LARS2: variants seen among roughly 807,000 people sequenced by gnomAD.
The protein encoded by LARS2 is leucyl-tRNA synthetase 2, mitochondrial.
In LARS2, 81 loss-of-function variants were observed where a neutral mutation model predicts 116.6. That is an observed-to-expected ratio of 0.69 (90% CI 0.58 to 0.84). LARS2 has a LOEUF of 0.84. LARS2 is among the 40% of genes least tolerant of loss of function. The pLI, the probability that LARS2 is intolerant of heterozygous loss-of-function variation, is 0.00. For missense variants in LARS2, 968 were observed against 1,114.5 expected (o/e 0.87, Z 1.87); for synonymous variants, 396 against 407.2 (o/e 0.97, Z 0.33).
chr3:45,460,367 A>G (rs1219364751), intron 8 of LARS2, among the ~76,000 whole-genome samples: 1 of 152,220 alleles, frequency 6.6e-6, no homozygotes, highest in Non-Finnish European at 1.5e-5. Flanking sequence ...ATTACTGGGA[A>G]GGATGCTTGG....
At chr3:45,418,967 A>G (rs1277820990) in intron 5 of LARS2, among the ~76,000 whole-genome samples, 1 of 152,262 alleles carries the variant, frequency 6.6e-6, no homozygotes, top group Non-Finnish European at 1.5e-5. Context: ...AGTGCTTAGC[A>G]TAGGGTCTTG....
At chr3:45,480,407 T>C (rs1469108635) in intron 10 of LARS2, among the ~76,000 whole-genome samples, 2 of 152,244 alleles carry the variant, frequency 1.3e-5, no homozygotes, top group Admixed American at 1.3e-4. Flanking sequence ...TGTCTGTTTT[T>C]CCAGAGGGTG....
At chr3:45,467,975 A>C (rs1699455428) in intron 8 of LARS2, among the ~76,000 whole-genome samples, 1 of 151,974 alleles carries the variant, frequency 6.6e-6, no homozygotes, top group Non-Finnish European at 1.5e-5. Context: ...GTATGCACCT[A>C]CAGTCCCAGC....
At chr3:45,429,784 T>G (rs1241899976) in intron 6 of LARS2, among the ~76,000 whole-genome samples, 1 of 137,468 alleles carries the variant, frequency 7.3e-6, no homozygotes, top group African/African-American at 2.7e-5. Context: ...TAACTACAAC[T>G]GCTGCTTCCT....
chr3:45,500,604 A>G (rs1156869024), intron 15 of LARS2, 25 bp downstream of exon 15: 7 of 1,503,630 alleles, frequency 4.7e-6, no homozygotes, highest in Non-Finnish European at 6.2e-6. Flanking sequence ...TGCTTTGCAA[A>G]ATAATTGAGT....
At chr3:45,472,892 AG>A (rs1323494303) in intron 8 of LARS2, among the ~76,000 whole-genome samples, 1 of 152,244 alleles carries the variant, frequency 6.6e-6, no homozygotes, top group Non-Finnish European at 1.5e-5. Context: ...CATACATAAA[AG>A]TGCCTGGTAC....
At chr3:45,427,287 A>T (rs185662705) in intron 6 of LARS2, among the ~76,000 whole-genome samples, 1 of 152,236 alleles carries the variant, frequency 6.6e-6, no homozygotes, top group African/African-American at 2.4e-5. Context: ...TTATTTTTAC[A>T]TATACTTACA....
At chr3:45,414,629 G>A (rs946872511) in intron 4 of LARS2, among the ~76,000 whole-genome samples, 2 of 152,050 alleles carry the variant, frequency 1.3e-5, no homozygotes, top group Non-Finnish European at 2.9e-5. Context: ...TGGCACTTTG[G>A]GAGGGAGAAG....
chr3:45,510,171 G>A, intron 15 of LARS2, among the ~76,000 whole-genome samples: 1 of 152,036 alleles, frequency 6.6e-6, no homozygotes, highest in East Asian at 1.9e-4. Context: ...CCAGCATTTT[G>A]GGAGGCCGAG....
At chr3:45,527,451 C>G (rs1322638724) in intron 20 of LARS2, among the ~76,000 whole-genome samples, 4 of 152,042 alleles carry the variant, frequency 2.6e-5, no homozygotes, top group African/African-American at 9.7e-5. Flanking sequence ...GGTGAAACCC[C>G]GTCTCTACTA....
intron 6 of LARS2, among the ~76,000 whole-genome samples, chr3:45,425,255 T>A (rs1467932272): frequency 6.6e-6 from 1 of 152,206 alleles, no homozygotes; most frequent in Non-Finnish European, 1.5e-5. Context: ...TGTTTTGGAA[T>A]CTTTTCTTAG....
chr3:45,476,909 C>T (rs1699620805), intron 10 of LARS2, among the ~76,000 whole-genome samples: 1 of 152,134 alleles, frequency 6.6e-6, no homozygotes, highest in African/African-American at 2.4e-5. Context: ...AAGTTCTTTT[C>T]TCCTAGTTAT....
At position 45,469,136 on chromosome 3, in the gene LARS2, T is replaced by C. The variant is rs375927595; in HGVS notation, c.751-5107T>C. Among the ~76,000 whole-genome samples the C allele has an allele frequency of 9.8e-5, 15 of 152,338 alleles. No individual in the cohort carries two copies. In the East Asian group the frequency reaches 1.9e-3, roughly 20 times the overall value. ...CCCTGCTGGGTTAACAGCACCTGCA[T>C]TGGAATTGAGATTCTTGGATAGCAC... On this transcript the variant is annotated intron_variant, in intron 8 of 21. Transcript: ENST00000645846.
chr3:45,409,753 T>C (rs1214733468), intron 4 of LARS2, among the ~76,000 whole-genome samples: 1 of 152,222 alleles, frequency 6.6e-6, no homozygotes, highest in Non-Finnish European at 1.5e-5. Context: ...TCCAGTGCTC[T>C]GGCTCATGGT....
intron 4 of LARS2, among the ~76,000 whole-genome samples, chr3:45,416,383 A>G (rs1698422463): frequency 6.6e-6 from 1 of 152,058 alleles, no homozygotes; most frequent in South Asian, 2.1e-4. Context: ...TTGATTCTGG[A>G]GCAACCTGGA....
At chr3:45,461,737 A>G (rs1457718148) in intron 8 of LARS2, among the ~76,000 whole-genome samples, 1 of 152,210 alleles carries the variant, frequency 6.6e-6, no homozygotes, top group African/African-American at 2.4e-5. Flanking sequence ...AAAAATACTC[A>G]GGTGGCAAAA....
At chr3:45,483,152 T>A (rs993279144) in intron 10 of LARS2, among the ~76,000 whole-genome samples, 1 of 152,218 alleles carries the variant, frequency 6.6e-6, no homozygotes, top group Non-Finnish European at 1.5e-5. Context: ...TGGTAGTCTG[T>A]GCCACCTGCT....
intron 19 of LARS2, among the ~76,000 whole-genome samples, chr3:45,520,879 C>T (rs1575310752): frequency 1.3e-5 from 2 of 152,184 alleles, no homozygotes; most frequent in Non-Finnish European, 1.5e-5. Flanking sequence ...AAAATGAAGT[C>T]CTCTCCAAGC....
chr3:45,507,961 C>T (rs377530081), intron 15 of LARS2, among the ~76,000 whole-genome samples: 5 of 152,084 alleles, frequency 3.3e-5, no homozygotes, highest in African/African-American at 9.6e-5. Flanking sequence ...TCCCTCCTTC[C>T]GGTGGTTAGC....
Sources: gnomAD v4.1 joint callset for allele counts (sites outside exome capture counted in the v4.1 genomes callset) on GRCh38, gnomAD v4.1.1 for gene constraint, MANE v1.5 for transcripts, NCBI Gene and HGNC (gene_info 2026-07-23, HGNC 2026-07-21) for gene names.